Variants in CCSER1 observed in about 807,000 individuals in gnomAD.
CCSER1 encodes serine-rich coiled-coil domain-containing protein 1.
Under a neutral mutation model 82.0 loss-of-function variants are expected in CCSER1, and 41 were observed. The observed-to-expected ratio is 0.50, with a 90% CI of 0.39 to 0.65. The LOEUF (loss-of-function observed/expected upper bound fraction) is 0.65. Among genes scored for constraint, CCSER1 ranks in the 30% least tolerant of loss-of-function variants. The probability of loss-of-function intolerance (pLI) is 0.00; values close to 1 mark genes in which losing one functional copy is unlikely to be tolerated. For missense variants in CCSER1, 1,119 were observed against 1,064.2 expected, an observed-to-expected ratio of 1.05 and a Z score of -0.72; for synonymous variants, 414 against 383.9, an observed-to-expected ratio of 1.08 and a Z score of -0.92.
intron 4 of CCSER1, among the ~76,000 whole-genome samples, chr4:90,466,692 A>G (rs1019071830): frequency 1.3e-5 from 2 of 152,204 alleles, no homozygotes; most frequent in African/African-American, 4.8e-5. Flanking sequence ...CTTTAATAAG[A>G]AAAAAGTGAC....
chr4:90,361,173 GA>G (rs1354063690), intron 3 of CCSER1, among the ~76,000 whole-genome samples: 4 of 152,090 alleles, frequency 2.6e-5, no homozygotes, highest in Non-Finnish European at 5.9e-5. Flanking sequence ...AAACATATAC[GA>G]TGGTTTCTAT....
chr4:91,231,862 T>C (rs1738655167), intron 10 of CCSER1, among the ~76,000 whole-genome samples: 1 of 151,872 alleles, frequency 6.6e-6, no homozygotes, highest in African/African-American at 2.4e-5. Context: ...ATGATGGTAC[T>C]GAACTGGACT....
At chr4:91,217,958 G>A (rs550015479) in intron 10 of CCSER1, among the ~76,000 whole-genome samples, 25 of 152,342 alleles carry the variant, frequency 1.6e-4, no homozygotes, top group Middle Eastern at 3.4e-3. Flanking sequence ...CCAGTCCTGC[G>A]CTGTGAGCTC....
intron 5 of CCSER1, among the ~76,000 whole-genome samples, chr4:90,513,969 A>C (rs1771903732): frequency 6.6e-6 from 1 of 152,126 alleles, no homozygotes; most frequent in South Asian, 2.1e-4. Flanking sequence ...CAAGGAGAAT[A>C]GGGGGATCGG....
At chr4:91,564,056 A>G (rs1762775712) in intron 10 of CCSER1, among the ~76,000 whole-genome samples, 1 of 151,792 alleles carries the variant, frequency 6.6e-6, no homozygotes, top group Non-Finnish European at 1.5e-5. Context: ...CCCCATTAAT[A>G]GACCCCAGTG....
chr4:91,440,976 C>T (rs1387078989), intron 10 of CCSER1, among the ~76,000 whole-genome samples: 2 of 151,726 alleles, frequency 1.3e-5, no homozygotes, highest in Non-Finnish European at 2.9e-5. Context: ...TGGCAATAAT[C>T]AATAGCTTAC....
chr4:90,348,823 T>A (rs1742896545), intron 3 of CCSER1, among the ~76,000 whole-genome samples: 1 of 152,196 alleles, frequency 6.6e-6, no homozygotes, highest in African/African-American at 2.4e-5. Context: ...GCCAGAATAA[T>A]TGCCCTAAGC....
intron 10 of CCSER1, among the ~76,000 whole-genome samples, chr4:91,561,838 G>A (rs1040897284): frequency 1.3e-5 from 2 of 151,408 alleles, no homozygotes; most frequent in Non-Finnish European, 3.0e-5. Flanking sequence ...CTCAAAAGGA[G>A]CACTCTTATG....
intron 5 of CCSER1, among the ~76,000 whole-genome samples, chr4:90,477,158 G>A (rs1004613741): frequency 5.9e-5 from 9 of 152,092 alleles, no homozygotes; most frequent in Non-Finnish European, 8.8e-5. Context: ...TATAATTTAG[G>A]TTTTAGTATA....
intron 4 of CCSER1, among the ~76,000 whole-genome samples, chr4:90,408,384 A>T (rs1754094842): frequency 6.6e-6 from 1 of 152,216 alleles, no homozygotes; most frequent in African/African-American, 2.4e-5. Context: ...GGCATCCCCC[A>T]GTAGGGGAGG....
chr4:90,754,317 C>T lies in CCSER1; in HGVS notation c.2010+30326C>T, dbSNP rs76859611. Among the ~76,000 whole-genome samples, 1,087 of 152,100 alleles carry T rather than the reference C, an allele frequency of 7.1e-3. 6 individuals carry two copies. Among genetic ancestry groups the T allele is most frequent in the Middle Eastern group, 0.031 (9 of 294 alleles). ...ATGTTGTATTTTATTTTAACATATA[C>T]GTTTATGTATATATAATCTACTAAT... is the stretch of plus-strand genomic sequence containing the variant. On this transcript the variant is annotated intron_variant, in intron 7 of 10. Transcript: ENST00000509176.
chr4:91,388,980 T>C (rs994850003), intron 10 of CCSER1, among the ~76,000 whole-genome samples: 3 of 152,098 alleles, frequency 2.0e-5, no homozygotes, highest in Admixed American at 6.6e-5. Context: ...ATATTTTGAA[T>C]AACAATCTTT....
chr4:90,986,904 G>A (rs2150436471), intron 9 of CCSER1, among the ~76,000 whole-genome samples: 1 of 151,796 alleles, frequency 6.6e-6, no homozygotes, highest in Non-Finnish European at 1.5e-5. Context: ...AAATAAGGGA[G>A]AGCACCTGCT....
chr4:90,263,614 G>A (rs992407140), intron 1 of CCSER1, among the ~76,000 whole-genome samples: 2 of 152,148 alleles, frequency 1.3e-5, no homozygotes, highest in Non-Finnish European at 2.9e-5. Context: ...TCTACCTAGA[G>A]ATGCTGTAAT....
At chr4:90,617,743 T>C (rs888771746) in intron 5 of CCSER1, among the ~76,000 whole-genome samples, 1 of 152,186 alleles carries the variant, frequency 6.6e-6, no homozygotes, top group East Asian at 1.9e-4. Flanking sequence ...TCAGCTACTT[T>C]AAACTGAATC....
At chr4:90,217,171 GC>G (rs1172360885) in intron 1 of CCSER1, among the ~76,000 whole-genome samples, 1 of 152,034 alleles carries the variant, frequency 6.6e-6, no homozygotes, top group African/African-American at 2.4e-5. Flanking sequence ...AGCTCCAGGA[GC>G]CTTTTGGTGG....
chr4:90,823,740 T>C lies in CCSER1; in HGVS notation c.2094+7895T>C, dbSNP rs528758176. Among the ~76,000 whole-genome samples, 15 of 152,044 alleles carry C rather than the reference T, an allele frequency of 9.9e-5. 1 individual carries two copies. The South Asian group carries it at 3.1e-3, about 31-fold the overall frequency. On this transcript the variant is annotated intron_variant, in intron 8 of 10. Transcript: ENST00000509176. ...ATAATATCTTCAAAACTGAACTTTA[T>C]TTTTTATTTTAAAATGTTAATTTTA...
chr4:90,836,440 C>A (rs948345112), intron 8 of CCSER1, among the ~76,000 whole-genome samples: 3 of 152,134 alleles, frequency 2.0e-5, no homozygotes, highest in Admixed American at 6.5e-5. Flanking sequence ...CCTTTCCCCC[C>A]ACTGCCCTCT....
chr4:90,369,721 A>G (rs1297940131), intron 3 of CCSER1, among the ~76,000 whole-genome samples: 2 of 151,962 alleles, frequency 1.3e-5, no homozygotes, highest in Non-Finnish European at 2.9e-5. Context: ...AATTGTTAAC[A>G]TTACTTAAGG....
Sources: gnomAD v4.1 joint callset for allele counts (sites outside exome capture counted in the v4.1 genomes callset) on GRCh38, gnomAD v4.1.1 for gene constraint, MANE v1.5 for transcripts, NCBI Gene and HGNC (gene_info 2026-07-23, HGNC 2026-07-21) for gene names.